Variants in FADS3 observed in about 807,000 individuals in gnomAD.
FADS3 encodes fatty acid desaturase 3, also known as cytochrome b5-related protein.
Under a neutral mutation model 60.4 loss-of-function variants are expected in FADS3, and 30 were observed. That is an observed-to-expected ratio of 0.50 (90% CI 0.37 to 0.67). FADS3 has a LOEUF of 0.67. Ranked by LOEUF, FADS3 falls within the 30% of genes least tolerant of loss-of-function variation. FADS3 has a pLI of 0.00. For synonymous variants in FADS3, 234 were observed against 249.3 expected (o/e 0.94, Z 0.58); for missense variants, 432 against 598.3 (o/e 0.72, Z 2.90).
chr11:61,878,346 C>T (rs1224677994), intron 5 of FADS3, 131 bp from the exon 6 acceptor site: 2 of 1,374,958 alleles, frequency 1.5e-6, no homozygotes, highest in East Asian at 2.3e-5. Flanking sequence ...CTGGTCGTCC[C>T]CAGCAGGTTG....
intron 1 of FADS3, among the ~76,000 whole-genome samples, chr11:61,888,196 G>A (rs764806223): frequency 5.3e-5 from 8 of 152,354 alleles, no homozygotes; most frequent in Admixed American, 6.5e-5. Context: ...ATGGCCACAG[G>A]CTGACTTCAT....
In FADS3 at chr11:61,876,735, G is replaced by A. The variant is rs1339600134; in HGVS notation, c.983+131C>T. ...GCTCCTGCCACGCTTGTGTTTATGT[G>A]ATTCCACCAGCAAGCCAGGGAGGCA... is the stretch of plus-strand genomic sequence containing the variant. On this transcript the variant is annotated intron_variant, in intron 8 of 11. Transcript: ENST00000278829. This position sits in a 1 kb window ranked among gnomAD's most constrained non-coding sequence, Gnocchi z 5.7. 1 of 828,088 alleles carries A rather than the reference G, an allele frequency of 1.2e-6. No individual in the cohort carries two copies. Among genetic ancestry groups the A allele is most frequent in the African/African-American group, 1.7e-5 (1 of 59,378 alleles). 51.3% of individuals were successfully genotyped at this position (828,088 alleles called of 1,614,324 possible). A position where few individuals can be genotyped will look rare whatever the true frequency, so the allele number is the denominator to read the frequency against.
At chr11:61,881,502 C>T (rs1938128481) in intron 1 of FADS3, 1 of 152,186 alleles carries the variant, frequency 6.6e-6, no homozygotes, top group Admixed American at 6.5e-5. Flanking sequence ...CAGAGCCATA[C>T]AGCAGCTTAT....
Position 61,877,624 on chromosome 11 carries a change from C to A in FADS3, c.809-37G>T. ...GGCATGAGAGTGTTCAGGAGTGGGG[C>A]TGGGCTGCCAAGGTGAGTGGGCGCC... On this transcript the variant is annotated intron_variant, in intron 6 of 11. Coordinates refer to ENST00000278829, the MANE Select transcript of FADS3 (RefSeq NM_021727.5). This position sits in a 1 kb window ranked among gnomAD's most constrained non-coding sequence, Gnocchi z 4.7. 3 of 1,600,462 alleles carry A rather than the reference C, an allele frequency of 1.9e-6. No homozygotes were observed. The highest frequency in any genetic ancestry group is 1.7e-6 in the Non-Finnish European group (2 of 1,171,328).
At chr11:61,880,288 G>A (rs749597434) in intron 1 of FADS3, 137 bp from the exon 2 acceptor site, 21 of 672,106 alleles carry the variant, frequency 3.1e-5, no homozygotes, top group Non-Finnish European at 5.4e-5. Context: ...GCCGGCTGAT[G>A]AACAGTCAAA....
At chr11:61,887,440 C>G (rs1938354486) in intron 1 of FADS3, among the ~76,000 whole-genome samples, 1 of 152,194 alleles carries the variant, frequency 6.6e-6, no homozygotes, top group Non-Finnish European at 1.5e-5. Flanking sequence ...AAATGTCCAT[C>G]AGACTCCCCA....
Position 61,876,201 on chromosome 11 carries a change from C to A in FADS3, c.1081-11G>T. Reference sequence around the variant, plus strand: ...GCAGGTGGCTGCCAGCTGCCGGAAGCCGGCGGGGCACATGTGAGGAGGCCG... The same window carrying A: ...GCAGGTGGCTGCCAGCTGCCGGAAGACGGCGGGGCACATGTGAGGAGGCCG... On this transcript the variant is annotated splice_polypyrimidine_tract_variant and intron_variant, in intron 9 of 11. Coordinates refer to ENST00000278829, the MANE Select transcript of FADS3 (RefSeq NM_021727.5). This position sits in a 1 kb window ranked among gnomAD's most constrained non-coding sequence, Gnocchi z 5.7. 1.3e-6 allele frequency: 2 copies of A among 1,592,584 alleles called. No homozygotes were observed. The highest frequency in any genetic ancestry group is 1.7e-6 in the Non-Finnish European group (2 of 1,170,014).
rs918722904 is a variant in FADS3 at position 61,880,057 on chromosome 11, T to A, written c.308A>T (p.Gln103Leu). 6.2e-7 allele frequency: 1 copy of A among 1,613,982 alleles called. No homozygotes were observed. The highest frequency in any genetic ancestry group is 8.5e-7 in the Non-Finnish European group (1 of 1,179,874). Reference protein sequence around the residue: ...IGELAPEEPSQDGPLNAQLVE... With the variant: ...IGELAPEEPSLDGPLNAQLVE... ...CTGGCTCACATTCAGGGGTCCATCC[T>A]GGCTGGGTTCTTCCGGAGCCAGCTC... Residue 103 changes from glutamine (Q) to leucine (L), a missense_variant, in exon 2 of 12, where the codon CAG becomes CTG. Physicochemically the swap from Gln to Leu is moderately radical, Grantham distance 113. Transcript: ENST00000278829.
At position 61,876,141 on chromosome 11, in the gene FADS3, C is replaced by T; in HGVS notation, c.1130G>A (p.Ser377Asn). Residue 377 changes from serine (S) to asparagine (N), a missense_variant, in exon 10 of 12, where the codon AGC becomes AAC. Transcript: ENST00000278829. This position sits in a 1 kb window ranked among gnomAD's most constrained non-coding sequence, Gnocchi z 5.7. ...VEPSLFTNWFSGHLNFQIEHH... is the reference protein window; with the variant it reads ...VEPSLFTNWFNGHLNFQIEHH... ...CTCGATCTGGAAGTTGAGGTGCCCG[C>T]TGAACCAGTTGGTGAAAAGTGAGGG... 1 of 1,609,964 alleles carries T rather than the reference C, an allele frequency of 6.2e-7. No individual in the cohort carries two copies. Among genetic ancestry groups the T allele is most frequent in the Non-Finnish European group, 8.5e-7 (1 of 1,178,400 alleles).
chr11:61,881,327 G>A (rs1938122782), intron 1 of FADS3: 1 of 152,312 alleles, frequency 6.6e-6, no homozygotes, highest in South Asian at 2.1e-4. Context: ...AGACCAGCCA[G>A]GAAGTGGCCC....
chr11:61,875,992 G>C lies in FADS3; in HGVS notation c.1161-16C>G, dbSNP rs768893795. On this transcript the variant is annotated splice_polypyrimidine_tract_variant and intron_variant, in intron 10 of 11. Transcript: ENST00000278829. Reference sequence around the variant, plus strand: ...GGGGAAGAGGCTGGGGGTGGGGAGCGTATGCTGGCACCTGAAGTGGGAGAT... The same window carrying C: ...GGGGAAGAGGCTGGGGGTGGGGAGCCTATGCTGGCACCTGAAGTGGGAGAT... 3 of 1,613,392 alleles carry C rather than the reference G, an allele frequency of 1.9e-6. No homozygotes were observed. The highest frequency in any genetic ancestry group is 1.7e-6 in the Non-Finnish European group (2 of 1,179,988).
chr11:61,878,730 C>A lies in FADS3; in HGVS notation c.624+16G>T, dbSNP rs745770235. 6.2e-7 allele frequency: 1 copy of A among 1,613,200 alleles called. No homozygotes were observed. The highest frequency in any genetic ancestry group is 8.5e-7 in the Non-Finnish European group (1 of 1,179,390). ...GCGCCACCCAGCACCTGGCTGACCACCCACCCCACCCTCACCTTTAGCTGC... is the reference window on the plus strand; with the variant it reads ...GCGCCACCCAGCACCTGGCTGACCAACCACCCCACCCTCACCTTTAGCTGC... On this transcript the variant is annotated intron_variant, in intron 4 of 11. Transcript: ENST00000278829.
chr11:61,887,958 G>T (rs984238879), intron 1 of FADS3, among the ~76,000 whole-genome samples: 2 of 152,348 alleles, frequency 1.3e-5, no homozygotes, highest in Admixed American at 1.3e-4. Context: ...CCTCATAGGG[G>T]CACCTTGAGG....
chr11:61,874,815 G>A (rs535602589), intron 11 of FADS3, among the ~76,000 whole-genome samples: 6 of 150,570 alleles, frequency 4.0e-5, no homozygotes, highest in South Asian at 4.2e-4. Flanking sequence ...CTGCCTGGCC[G>A]CCCCCCTCCC....
rs544058801 is a variant in FADS3 at position 61,873,629 on chromosome 11, CCA to C, written c.*183_*184del. The C allele has an allele frequency of 4.9e-4, 300 of 618,212 alleles. No homozygotes were observed. Among genetic ancestry groups the C allele is most frequent in the African/African-American group, 4.5e-3 (245 of 54,478 alleles). The allele number at this position is 618,212 out of a possible 1,614,324, so 38.3% of individuals were successfully genotyped here. A position where few individuals can be genotyped will look rare whatever the true frequency, so the allele number is the denominator to read the frequency against. ...TCCCTCTACCCCTGTCCCATCAGGC[CCA>C]GAGCCAAGGCCATAGGGCTGCTGAA... is the stretch of plus-strand genomic sequence containing the variant. On this transcript the variant is annotated 3_prime_UTR_variant, in exon 12 of 12. Transcript: ENST00000278829.
At position 61,878,601 on chromosome 11, in the gene FADS3, A is replaced by G. The variant is rs1938005732; in HGVS notation, c.658T>C (p.Phe220Leu). 6.2e-7 allele frequency: 1 copy of G among 1,614,008 alleles called. No individual in the cohort carries two copies. ...FSAHWWNFRH[F>L]QHHAKPNIFH... ...ATGTTGGGCTTGGCGTGGTGCTGGA[A>G]GTGGCGGAAGTTCCACCAGTGGGCG... The change falls in exon 5 of 12, where the codon TTC (phenylalanine) becomes CTC (leucine). Residue 220 changes from phenylalanine (F) to leucine (L), a missense_variant. This residue lies in a region of FADS3 where 116 missense variants were observed against 208.9 expected (regional missense o/e 0.56). Coordinates refer to ENST00000278829, the MANE Select transcript of FADS3 (RefSeq NM_021727.5).
chr11:61,891,367 C>T lies in FADS3; in HGVS notation c.15G>A (p.Gly5=). ...CGGGTCCCTCCCGCGGTCCCGGCTC[C>T]CCGACGCCGCCCATGCTGCACGCAC... MGGV[G]EPGPREGPAQ... is the part of the protein sequence containing the mutation. The change falls in exon 1 of 12, where the codon GGG becomes GGA. Residue 5 remains glycine, a synonymous_variant. Coordinates refer to ENST00000278829, the MANE Select transcript of FADS3 (RefSeq NM_021727.5). 6 of 1,476,874 alleles carry T rather than the reference C, an allele frequency of 4.1e-6. No homozygotes were observed. In the South Asian group the frequency reaches 5.2e-5, roughly 13 times the overall value. 91.5% of individuals were successfully genotyped at this position (1,476,874 alleles called of 1,614,324 possible). A position where few individuals can be genotyped will look rare whatever the true frequency, so the allele number is the denominator to read the frequency against.
rs1938421149 is a variant in FADS3, at chr11:61,889,447, C to T, written c.213+1722G>A. Among the ~76,000 whole-genome samples the T allele has an allele frequency of 2.0e-5, 3 of 150,212 alleles. No homozygotes were observed. The East Asian group carries it at 6.1e-4, about 31-fold the overall frequency. The stretch of plus-strand genomic sequence containing the variant: ...TGGGTGGATCACGAGGTCAGGAGTT[C>T]GAGACCAGCTTGGCCAACATGGTGA... On this transcript the variant is annotated intron_variant, in intron 1 of 11. Coordinates refer to ENST00000278829, the MANE Select transcript of FADS3 (RefSeq NM_021727.5).
intron 1 of FADS3, chr11:61,881,622 T>C (rs1294949522): frequency 6.6e-6 from 1 of 152,166 alleles, no homozygotes; most frequent in Admixed American, 6.5e-5. Context: ...GGGCCTCCTA[T>C]TGTCCTCTTG....
Sources: allele counts gnomAD v4.1 joint callset (sites outside exome capture counted in the v4.1 genomes callset), GRCh38; gene constraint gnomAD v4.1.1; regional missense constraint gnomAD v4.1.1; non-coding constraint Gnocchi (gnomAD v3.1); transcripts MANE v1.5; gene names NCBI Gene and HGNC (gene_info 2026-07-23, HGNC 2026-07-21).